PLCL2: variants seen among roughly 807,000 people sequenced by gnomAD.
PLCL2 encodes phospholipase C like 2.
In PLCL2, 4 loss-of-function variants were observed where a neutral mutation model predicts 79.6. The observed-to-expected ratio is 0.05, with a 90% CI of 0.02 to 0.11. The LOEUF (loss-of-function observed/expected upper bound fraction) is 0.11. Among genes scored for constraint, PLCL2 ranks in the 10% least tolerant of loss-of-function variants. PLCL2 has a pLI of 1.00. For synonymous variants in PLCL2, 484 were observed against 457.7 expected (o/e 1.06, Z -0.73); for missense variants, 895 against 1,291.0 (o/e 0.69, Z 4.70).
chr3:16,904,773 T>C (rs1329036631), intron 1 of PLCL2, among the ~76,000 whole-genome samples: 2 of 150,548 alleles, frequency 1.3e-5, no homozygotes, highest in African/African-American at 5.0e-5. Flanking sequence ...CATGCTGTTC[T>C]CATGATAGTG....
At chr3:16,979,970 A>T (rs1575567416) in intron 1 of PLCL2, among the ~76,000 whole-genome samples, 1 of 135,384 alleles carries the variant, frequency 7.4e-6, no homozygotes, top group African/African-American at 2.9e-5. Flanking sequence ...CGGGGGGCTG[A>T]CCCCCCCAAC....
chr3:17,089,628 T>C, intron 5 of PLCL2, 105 bp from the exon 6 acceptor site: 1 of 717,284 alleles, frequency 1.4e-6, no homozygotes, highest in East Asian at 2.6e-5. Flanking sequence ...TTATGCCTTC[T>C]TGTGGAATCA....
chr3:17,068,122 C>T (rs2065027866), intron 5 of PLCL2, 57 bp downstream of exon 5: 1 of 905,028 alleles, frequency 1.1e-6, no homozygotes, highest in African/African-American at 1.6e-5. Context: ...CAGCATGCTT[C>T]CCTCTCTTAG....
chr3:16,955,109 C>T (rs575630210), intron 1 of PLCL2, among the ~76,000 whole-genome samples: 8 of 152,308 alleles, frequency 5.3e-5, no homozygotes, highest in South Asian at 2.1e-4. Flanking sequence ...CACATGACTA[C>T]GTCCTGAATG....
At chr3:17,052,007 A>T (rs982455853) in intron 4 of PLCL2, among the ~76,000 whole-genome samples, 1 of 152,110 alleles carries the variant, frequency 6.6e-6, no homozygotes, top group Non-Finnish European at 1.5e-5. Context: ...AGAGGATGCT[A>T]TATGGAAAGG....
At chr3:16,890,534 A>G (rs1696321898) in intron 1 of PLCL2, among the ~76,000 whole-genome samples, 1 of 152,258 alleles carries the variant, frequency 6.6e-6, no homozygotes, top group African/African-American at 2.4e-5. Flanking sequence ...ATGAACATTT[A>G]TAGTTTTTCT....
chr3:17,061,029 AAT>A (rs1245455953), intron 4 of PLCL2, among the ~76,000 whole-genome samples: 1 of 152,212 alleles, frequency 6.6e-6, no homozygotes, highest in Non-Finnish European at 1.5e-5. Flanking sequence ...ATTTAAGATC[AAT>A]ATGTCTCCTT....
intron 1 of PLCL2, among the ~76,000 whole-genome samples, chr3:16,953,454 G>T (rs2063671237): frequency 6.6e-6 from 1 of 152,108 alleles, no homozygotes; most frequent in Admixed American, 6.6e-5. Context: ...GTGTGTGGTA[G>T]TAGGCCCACC....
At chr3:16,891,225 T>G (rs768268901) in intron 1 of PLCL2, among the ~76,000 whole-genome samples, 9 of 152,226 alleles carry the variant, frequency 5.9e-5, no homozygotes, top group Non-Finnish European at 1.3e-4. Flanking sequence ...CTTTATGGCC[T>G]TGGGCAAGAT....
At chr3:16,922,791 A>G (rs1181655020) in intron 1 of PLCL2, among the ~76,000 whole-genome samples, 1 of 152,016 alleles carries the variant, frequency 6.6e-6, no homozygotes, top group Admixed American at 6.6e-5. Flanking sequence ...ATACCACCTC[A>G]AAAGAGGGTA....
At chr3:16,895,446 T>G (rs1696457507) in intron 1 of PLCL2, among the ~76,000 whole-genome samples, 1 of 152,210 alleles carries the variant, frequency 6.6e-6, no homozygotes, top group Admixed American at 6.5e-5. Context: ...TCCAATTAAT[T>G]CAGCACCATT....
At chr3:16,977,125 C>T (rs940301582) in intron 1 of PLCL2, among the ~76,000 whole-genome samples, 1 of 152,088 alleles carries the variant, frequency 6.6e-6, no homozygotes, top group African/African-American at 2.4e-5. Context: ...CACACACACA[C>T]ACACACAATA....
At chr3:17,086,646 G>A (rs2065222933) in intron 5 of PLCL2, among the ~76,000 whole-genome samples, 1 of 152,142 alleles carries the variant, frequency 6.6e-6, no homozygotes, top group African/African-American at 2.4e-5. Context: ...GAGAAGAGAA[G>A]CCACAGTCTG....
chr3:16,885,287 C>T lies in PLCL2; in HGVS notation c.248C>T (p.Pro83Leu). The change falls in exon 1 of 6, where the codon CCG becomes CTG. Residue 83 changes from proline to leucine, a missense_variant. Physicochemically the swap from Pro to Leu is moderately conservative, Grantham distance 98 (BLOSUM62 -3). Transcript: ENST00000615277. ...GGACCCCGCGGCGTTGCGCTCGCCC[C>T]GACCCCCAGCGCGGTCGTCTGTACC... ...TRGPRGVALAPTPSAVVCTLP... is the reference protein window; with the variant it reads ...TRGPRGVALALTPSAVVCTLP... 4.5e-6 allele frequency: 3 copies of T among 659,976 alleles called. No homozygotes were observed. Among genetic ancestry groups the T allele is most frequent in the Non-Finnish European group, 5.5e-6 (2 of 365,174 alleles). 40.9% of individuals were successfully genotyped at this position (659,976 alleles called of 1,614,324 possible).
chr3:17,050,960 G>A (rs956875380), intron 4 of PLCL2, among the ~76,000 whole-genome samples: 35 of 152,158 alleles, frequency 2.3e-4, no homozygotes, highest in African/African-American at 8.2e-4. Flanking sequence ...GTGCTATTCA[G>A]CCATGGAAAA....
chr3:16,990,140 G>A lies in PLCL2; in HGVS notation c.328-19534G>A, dbSNP rs551523969. The stretch of plus-strand genomic sequence containing the variant: ...GATGACGATGATGGTGATGATGATA[G>A]CAGTAGTAATGTCAACCACATTAAT... On this transcript the variant is annotated intron_variant, in intron 1 of 5. Transcript: ENST00000615277. Among the ~76,000 whole-genome samples the A allele has an allele frequency of 5.2e-4, 76 of 146,608 alleles. 1 individual carries two copies. The South Asian group carries it at 0.015, about 29-fold the overall frequency.
chr3:16,920,805 A>G (rs1336939775), intron 1 of PLCL2, among the ~76,000 whole-genome samples: 1 of 152,210 alleles, frequency 6.6e-6, no homozygotes, highest in East Asian at 1.9e-4. Context: ...CTACTACGTG[A>G]GAATACAAGA....
chr3:16,891,011 A>C (rs1487030930), intron 1 of PLCL2, among the ~76,000 whole-genome samples: 2 of 152,210 alleles, frequency 1.3e-5, no homozygotes, highest in Non-Finnish European at 2.9e-5. Flanking sequence ...CCCTCTTACC[A>C]CTAGCACTTG....
intron 1 of PLCL2, among the ~76,000 whole-genome samples, chr3:16,999,652 C>T (rs77798320): frequency 2.6e-5 from 4 of 152,102 alleles, no homozygotes; most frequent in Non-Finnish European, 4.4e-5. Context: ...CATCTTGTGG[C>T]GCATAGTATT....
Sources: gnomAD v4.1 joint callset for allele counts (sites outside exome capture counted in the v4.1 genomes callset) on GRCh38, gnomAD v4.1.1 for gene constraint, MANE v1.5 for transcripts, NCBI Gene and HGNC (gene_info 2026-07-23, HGNC 2026-07-21) for gene names.